Variants in WWOX observed in about 807,000 individuals in gnomAD.
WWOX encodes the protein WW domain containing oxidoreductase, also known as WW domain-containing oxidoreductase.
A neutral mutation model predicts 46.2 loss-of-function variants in WWOX; 69 were observed. The ratio of observed to expected loss-of-function variants is 1.49; its 90% CI spans 1.23 to 1.82. The LOEUF (loss-of-function observed/expected upper bound fraction) is 1.82. Ranked by LOEUF, WWOX falls within the 40% of genes most tolerant of loss-of-function variation. WWOX has a pLI of 0.00. For synonymous variants in WWOX, 359 were observed against 202.6 expected (o/e 1.77, Z -6.56); for missense variants, 919 against 542.6 (o/e 1.69, Z -6.89).
chr16:78,591,737 G>A (rs2045356902), intron 8 of WWOX, among the ~76,000 whole-genome samples: 2 of 152,222 alleles, frequency 1.3e-5, no homozygotes, highest in African/African-American at 4.8e-5. Flanking sequence ...TTGAGTAACT[G>A]CTCTCTGAAG....
chr16:78,338,061 T>A lies in WWOX; in HGVS notation c.517-48799T>A, dbSNP rs144257896. Among the ~76,000 whole-genome samples, 2 of 121,030 alleles carry A rather than the reference T, an allele frequency of 1.7e-5. 1 individual carries two copies. The allele number at this position is 121,030 out of a possible 152,430, so 79.4% of individuals were successfully genotyped here. A position where few individuals can be genotyped will look rare whatever the true frequency, so the allele number is the denominator to read the frequency against. On this transcript the variant is annotated intron_variant, in intron 5 of 8. Transcript: ENST00000566780. ...TATATAAAATTATTTTTATCAAACATGACAGATCAAAAGCCTTCTGGAAAG... is the reference window on the plus strand; with the variant it reads ...TATATAAAATTATTTTTATCAAACAAGACAGATCAAAAGCCTTCTGGAAAG...
chr16:79,060,533 A>C (rs561145997), intron 8 of WWOX, among the ~76,000 whole-genome samples: 25 of 152,362 alleles, frequency 1.6e-4, no homozygotes, highest in African/African-American at 6.0e-4. Flanking sequence ...ACCAGCACTG[A>C]CTGGTGATGA....
intron 5 of WWOX, among the ~76,000 whole-genome samples, chr16:78,375,546 G>A (rs917147576): frequency 5.3e-5 from 8 of 152,134 alleles, no homozygotes; most frequent in Non-Finnish European, 8.8e-5. Flanking sequence ...TTTAATTTAC[G>A]ATAAATGTCA....
chr16:79,171,304 C>G (rs1449323020), intron 8 of WWOX, among the ~76,000 whole-genome samples: 2 of 152,192 alleles, frequency 1.3e-5, no homozygotes, highest in African/African-American at 2.4e-5. Flanking sequence ...TAGGACATAT[C>G]TAATAACATG....
chr16:78,548,071 C>G (rs545434069), intron 8 of WWOX, among the ~76,000 whole-genome samples: 149 of 148,536 alleles, frequency 1.0e-3, no homozygotes, highest in African/African-American at 3.5e-3. Flanking sequence ...AGGAGAATCA[C>G]TTGAACCCAG....
chr16:78,789,497 C>T (rs2050541364), intron 8 of WWOX, among the ~76,000 whole-genome samples: 1 of 152,122 alleles, frequency 6.6e-6, no homozygotes, highest in African/African-American at 2.4e-5. Flanking sequence ...AATTATATCC[C>T]ATTGATCTGT....
chr16:79,173,435 G>C (rs1052228995), intron 8 of WWOX, among the ~76,000 whole-genome samples: 1 of 152,194 alleles, frequency 6.6e-6, no homozygotes, highest in Admixed American at 6.5e-5. Flanking sequence ...ACCCAAGTGA[G>C]CAAACAGGCA....
intron 8 of WWOX, among the ~76,000 whole-genome samples, chr16:78,978,272 T>C (rs1023754899): frequency 1.8e-4 from 27 of 152,260 alleles, no homozygotes; most frequent in South Asian, 1.7e-3. Flanking sequence ...TTCCACCTTT[T>C]TGCTCTTGTG....
chr16:78,359,835 G>T (rs72794071), intron 5 of WWOX, among the ~76,000 whole-genome samples: 16,012 of 152,226 alleles, frequency 0.11, 1,245 homozygotes, highest in East Asian at 0.3. Context: ...GACTTCCTGG[G>T]AGAGGTGACT....
At chr16:79,010,356 C>G (rs1451966902) in intron 8 of WWOX, among the ~76,000 whole-genome samples, 1 of 152,084 alleles carries the variant, frequency 6.6e-6, no homozygotes, top group Non-Finnish European at 1.5e-5. Flanking sequence ...GCCTTTAACT[C>G]AGTGGCAGCT....
intron 8 of WWOX, among the ~76,000 whole-genome samples, chr16:78,641,481 TCA>T (rs759974091): frequency 1.6e-4 from 25 of 152,080 alleles, no homozygotes; most frequent in Non-Finnish European, 7.4e-5. Context: ...CAATCCCCTC[TCA>T]CGCCCCAAGC....
At chr16:79,164,038 A>G (rs1000026676) in intron 8 of WWOX, among the ~76,000 whole-genome samples, 7 of 152,362 alleles carry the variant, frequency 4.6e-5, no homozygotes, top group African/African-American at 1.7e-4. Flanking sequence ...TTAGGCATAT[A>G]CATAATAGGC....
intron 8 of WWOX, among the ~76,000 whole-genome samples, chr16:78,610,403 T>C (rs1205285566): frequency 1.3e-5 from 2 of 152,210 alleles, no homozygotes; most frequent in African/African-American, 4.8e-5. Flanking sequence ...TAACTATTTC[T>C]TCTTCTATCA....
intron 8 of WWOX, among the ~76,000 whole-genome samples, chr16:79,033,980 C>T (rs1862837): frequency 0.44 from 66,180 of 152,012 alleles, 14,666 homozygotes; most frequent in East Asian, 0.63. Flanking sequence ...CAAGGGGTCA[C>T]GCAGGGGACT....
intron 8 of WWOX, among the ~76,000 whole-genome samples, chr16:78,439,570 G>A (rs756839369): frequency 1.1e-4 from 16 of 152,204 alleles, no homozygotes; most frequent in Admixed American, 6.5e-5. Flanking sequence ...AAGGGCAAAG[G>A]ATTTAGAATC....
intron 8 of WWOX, among the ~76,000 whole-genome samples, chr16:78,437,688 G>C (rs2083363786): frequency 6.6e-6 from 1 of 152,152 alleles, no homozygotes; most frequent in African/African-American, 2.4e-5. Flanking sequence ...GATAAACTTG[G>C]AAAGTGAGTT....
At chr16:78,686,760 A>G (rs1270093099) in intron 8 of WWOX, among the ~76,000 whole-genome samples, 1 of 152,174 alleles carries the variant, frequency 6.6e-6, no homozygotes, top group Non-Finnish European at 1.5e-5. Context: ...TGCACTCCAT[A>G]TGCCTTCTGT....
At chr16:78,583,458 TAAG>T (rs531008443) in intron 8 of WWOX, among the ~76,000 whole-genome samples, 1,735 of 152,314 alleles carry the variant, frequency 0.011, 28 homozygotes, top group Middle Eastern at 0.051. Context: ...ATGGCTCCAT[TAAG>T]AAGAATTCTT....
At position 79,019,356 on chromosome 16, in the gene WWOX, C is replaced by G. The variant is rs1243704810; in HGVS notation, c.1057-192252C>G. On this transcript the variant is annotated intron_variant, in intron 8 of 8. Coordinates refer to ENST00000566780, the MANE Select transcript of WWOX (RefSeq NM_016373.4). Reference sequence around the variant, plus strand: ...TACACACACACTTAGGCTGTATGGTCTAGCCTCTTGGTCTTAGCCTACAAA... The same window carrying G: ...TACACACACACTTAGGCTGTATGGTGTAGCCTCTTGGTCTTAGCCTACAAA... 3.9e-5 allele frequency among the ~76,000 whole-genome samples: 6 copies of G among 152,182 alleles called. No homozygotes were observed. In the South Asian group the frequency reaches 8.3e-4, roughly 21 times the overall value.
Sources: gnomAD v4.1 joint callset for allele counts (sites outside exome capture counted in the v4.1 genomes callset) on GRCh38, gnomAD v4.1.1 for gene constraint, MANE v1.5 for transcripts, NCBI Gene and HGNC (gene_info 2026-07-23, HGNC 2026-07-21) for gene names.